The following CALB2 variants were observed in gnomAD, a reference collection of about 807,000 sequenced individuals.
CALB2 encodes calbindin 2, also known as calretinin.
Under a neutral mutation model 45.9 loss-of-function variants are expected in CALB2, and 34 were observed. The observed-to-expected ratio is 0.74, with a 90% CI of 0.56 to 0.99. The LOEUF (loss-of-function observed/expected upper bound fraction) is 0.99, where lower values mean the gene tolerates loss of function less well. Among genes scored for constraint, CALB2 ranks in the 50% least tolerant of loss-of-function variants. The probability of loss-of-function intolerance (pLI) is 0.00; values close to 1 mark genes in which losing one functional copy is unlikely to be tolerated. For synonymous variants in CALB2, 142 were observed against 129.6 expected (o/e 1.10, Z -0.65); for missense variants, 344 against 339.3 (o/e 1.01, Z -0.11).
chr16:71,363,015 C>T (rs749790483), intron 1 of CALB2, among the ~76,000 whole-genome samples: 174 of 152,012 alleles, frequency 1.1e-3, no homozygotes, highest in South Asian at 3.3e-3. Context: ...CCCCCCCTCC[C>T]CCTACTACAA....
intron 3 of CALB2, among the ~76,000 whole-genome samples, chr16:71,376,227 G>T: frequency 6.6e-6 from 1 of 152,164 alleles, no homozygotes; most frequent in East Asian, 1.9e-4. Context: ...GTATGTCAAT[G>T]AGTGGGTGTG....
At chr16:71,382,232 A>G (rs1267979939) in intron 4 of CALB2, among the ~76,000 whole-genome samples, 1 of 152,166 alleles carries the variant, frequency 6.6e-6, no homozygotes, top group Non-Finnish European at 1.5e-5. Context: ...GACCAAAGAT[A>G]TAGCGGAACA....
intron 4 of CALB2, among the ~76,000 whole-genome samples, chr16:71,378,696 T>C (rs1366681275): frequency 1.3e-5 from 2 of 152,218 alleles, no homozygotes; most frequent in African/African-American, 4.8e-5. Context: ...TGGGAAACAC[T>C]GTGTACATGC....
Position 71,383,412 on chromosome 16 carries a change from G to A in CALB2, c.445G>A (p.Glu149Lys). The A allele has an allele frequency of 1.9e-6, 3 of 1,614,142 alleles. No individual in the cohort carries two copies. The highest frequency in any genetic ancestry group is 2.5e-6 in the Non-Finnish European group (3 of 1,180,000). Residue 149 changes from glutamate (E) to lysine (K), a missense_variant, in exon 6 of 11, where the codon GAG becomes AAG. Coordinates refer to ENST00000302628, the MANE Select transcript of CALB2 (RefSeq NM_001740.5). ...GAAGAAGGCGAACCGGCCGTACGAT[G>A]AGCCCAAGCTCCAGGAATACACCCA... ...LLKKANRPYD[E>K]PKLQEYTQTI... is the part of the protein sequence containing the mutation.
At chr16:71,374,633 T>C (rs1567538604) in intron 2 of CALB2, 112 bp from the exon 3 acceptor site, 15 of 699,640 alleles carry the variant, frequency 2.1e-5, no homozygotes, top group Non-Finnish European at 3.9e-5. Flanking sequence ...CAGCACAACT[T>C]GGTTCTGCAC....
At chr16:71,379,920 A>G (rs2042466781) in intron 4 of CALB2, among the ~76,000 whole-genome samples, 2 of 152,244 alleles carry the variant, frequency 1.3e-5, no homozygotes, top group African/African-American at 4.8e-5. Flanking sequence ...AGATGGCAAG[A>G]TTCCACAAGC....
At chr16:71,376,081 G>A (rs914267191) in intron 3 of CALB2, among the ~76,000 whole-genome samples, 1 of 152,194 alleles carries the variant, frequency 6.6e-6, no homozygotes, top group Non-Finnish European at 1.5e-5. Context: ...CTGATTCAAA[G>A]GGGCTTAAAC....
intron 1 of CALB2, among the ~76,000 whole-genome samples, chr16:71,362,681 C>T (rs1264688082): frequency 6.6e-6 from 1 of 152,148 alleles, no homozygotes. Context: ...TAGCTGAACA[C>T]TATTATAAGC....
chr16:71,377,275 C>G (rs1322222450), intron 3 of CALB2, among the ~76,000 whole-genome samples: 1 of 152,172 alleles, frequency 6.6e-6, no homozygotes, highest in African/African-American at 2.4e-5. Flanking sequence ...TCTATTACCC[C>G]CTCCAAAAGG....
intron 10 of CALB2, among the ~76,000 whole-genome samples, chr16:71,387,872 G>A (rs1433617163): frequency 6.6e-6 from 1 of 152,140 alleles, no homozygotes; most frequent in Non-Finnish European, 1.5e-5. Flanking sequence ...AGACATGCTT[G>A]CAAAGTGCCC....
chr16:71,374,601 C>T (rs1231969520), intron 2 of CALB2, 144 bp from the exon 3 acceptor site: 3 of 584,206 alleles, frequency 5.1e-6, no homozygotes, highest in Non-Finnish European at 9.5e-6. Flanking sequence ...GAAAACAACA[C>T]AGCTCTGATC....
chr16:71,379,271 TAATAAATAAATA>T (rs71153630), intron 4 of CALB2, among the ~76,000 whole-genome samples: 1,473 of 145,574 alleles, frequency 0.01, 10 homozygotes, highest in Non-Finnish European at 0.013. Flanking sequence ...AGACTCTGTC[TAATAAATAAATA>T]AATAAATAAA....
At chr16:71,379,387 G>A (rs938476158) in intron 4 of CALB2, among the ~76,000 whole-genome samples, 11 of 152,214 alleles carry the variant, frequency 7.2e-5, no homozygotes, top group African/African-American at 2.6e-4. Context: ...TCAAATTCAT[G>A]TCTCTTGAGT....
At chr16:71,389,253 A>T (rs2145010102) in intron 10 of CALB2, among the ~76,000 whole-genome samples, 1 of 151,946 alleles carries the variant, frequency 6.6e-6, no homozygotes, top group Middle Eastern at 3.5e-3. Flanking sequence ...GTGGTCCAGG[A>T]GGCTAGAAGG....
chr16:71,386,427 C>A (rs943606326), intron 10 of CALB2, among the ~76,000 whole-genome samples: 2 of 152,214 alleles, frequency 1.3e-5, no homozygotes, highest in African/African-American at 4.8e-5. Context: ...GATTGATGAA[C>A]TGCAGAATCG....
chr16:71,381,974 C>A (rs571759701), intron 4 of CALB2, among the ~76,000 whole-genome samples: 1 of 149,230 alleles, frequency 6.7e-6, no homozygotes, highest in Non-Finnish European at 1.5e-5. Context: ...TTGGACGCCA[C>A]TGCACCACAG....
chr16:71,364,993 G>T (rs928217598), intron 1 of CALB2, among the ~76,000 whole-genome samples: 8 of 152,178 alleles, frequency 5.3e-5, no homozygotes, highest in Non-Finnish European at 1.2e-4. Flanking sequence ...TACCTGGCAG[G>T]GTCGTAAAGA....
intron 10 of CALB2, among the ~76,000 whole-genome samples, chr16:71,386,623 C>T (rs2042574081): frequency 6.6e-6 from 1 of 152,208 alleles, no homozygotes; most frequent in African/African-American, 2.4e-5. Context: ...GGAGCCAAAC[C>T]TTTGCAGCTG....
chr16:71,384,422 G>A (rs769569762), intron 8 of CALB2, 44 bp downstream of exon 8: 3 of 1,540,064 alleles, frequency 1.9e-6, no homozygotes, highest in African/African-American at 3.1e-5. Flanking sequence ...TCATCCCTCT[G>A]AGCCTGGCCC....
Sources: allele counts gnomAD v4.1 joint callset (sites outside exome capture counted in the v4.1 genomes callset), GRCh38; gene constraint gnomAD v4.1.1; transcripts MANE v1.5; gene names NCBI Gene and HGNC (gene_info 2026-07-23, HGNC 2026-07-21).